SETD1B: variants seen among roughly 807,000 people sequenced by gnomAD.
The protein encoded by SETD1B is SET domain containing 1B, histone lysine methyltransferase.
Under a neutral mutation model 148.0 loss-of-function variants are expected in SETD1B, and 7 were observed. The ratio of observed to expected loss-of-function variants is 0.05; its 90% CI spans 0.03 to 0.09. SETD1B has a LOEUF of 0.09. Among genes scored for constraint, SETD1B ranks in the 10% least tolerant of loss-of-function variants. The pLI is 1.00. For missense variants in SETD1B, 2,155 were observed against 2,729.9 expected (o/e 0.79, Z 4.69); for synonymous variants, 1,361 against 1,186.5 (o/e 1.15, Z -3.02).
rs1875607197 is a variant in SETD1B at position 121,804,469 on chromosome 12, C to G, written c.-15+236C>G. 6.6e-6 allele frequency among the ~76,000 whole-genome samples: 1 copy of G among 150,612 alleles called. No individual in the cohort carries two copies. The highest frequency in any genetic ancestry group is 1.5e-5 in the Non-Finnish European group (1 of 67,470). ...CCGGGCGCCCCGGGCCCCGCCAGCC[C>G]GCCCAGGGGACCCCCGGGAGCCCCT... On this transcript the variant is annotated intron_variant, in intron 1 of 16. Transcript: ENST00000604567. This position sits in a 1 kb window ranked among gnomAD's most constrained non-coding sequence, Gnocchi z 4.6.
chr12:121,795,981 C>A, the SETD1B span: 1 of 152,412 alleles, frequency 6.6e-6, no homozygotes, highest in African/African-American at 2.4e-5. Context: ...CCCACCCACC[C>A]CTGCTGGCCA....
intron 16 of SETD1B, 73 bp from the exon 17 acceptor site, chr12:121,829,993 G>A (rs1877016479): frequency 2.8e-6 from 4 of 1,430,328 alleles, no homozygotes; most frequent in African/African-American, 2.8e-5. Context: ...GGCCTGGTTG[G>A]GTTTGGGGGG....
rs901949076 is a variant in SETD1B, at chr12:121,817,408, C to A, written c.3016C>A (p.Pro1006Thr). Residue 1006 changes from proline (P) to threonine (T), a missense_variant, in exon 9 of 17, where the codon CCC becomes ACC. Pro to Thr is a conservative substitution (Grantham distance 38). This residue lies in a region of SETD1B where 289 missense variants were observed against 423.7 expected (regional missense o/e 0.68). Coordinates refer to ENST00000604567, the MANE Select transcript of SETD1B (RefSeq NM_001353345.2). This position sits in a 1 kb window ranked among gnomAD's most constrained non-coding sequence, Gnocchi z 8.1. ...RERDRDMADT[P>T]CELAKRDPKG... The stretch of plus-strand genomic sequence containing the variant: ...GCGAGACCGGGATATGGCAGACACC[C>A]CCTGTGAGCTCGCCAAGCGGGACCC... 6.5e-7 allele frequency: 1 copy of A among 1,534,428 alleles called. No individual in the cohort carries two copies. Among genetic ancestry groups the A allele is most frequent in the South Asian group, 1.2e-5 (1 of 82,180 alleles).
chr12:121,818,855 A>G (rs947093128), intron 10 of SETD1B, among the ~76,000 whole-genome samples: 7 of 147,292 alleles, frequency 4.8e-5, no homozygotes, highest in East Asian at 4.0e-4. Flanking sequence ...GCCCCACTGC[A>G]CTCCACCCTG....
At position 121,805,897 on chromosome 12, in the gene SETD1B, T is replaced by C. The variant is rs1177894147; in HGVS notation, c.336T>C (p.Asp112=). The C allele has an allele frequency of 1.3e-6, 2 of 1,551,402 alleles. No homozygotes were observed. Among genetic ancestry groups the C allele is most frequent in the Non-Finnish European group, 1.7e-6 (2 of 1,146,948 alleles). Residue 112 remains aspartate (D), a synonymous_variant, in exon 4 of 17, where the codon GAT becomes GAC. Coordinates refer to ENST00000604567, the MANE Select transcript of SETD1B (RefSeq NM_001353345.2). The surrounding 1 kb of genome is among the most constrained non-coding windows in gnomAD (Gnocchi z 4.2). ...PKQVTFAKLN[D]NIRENFLRDM... Reference sequence around the variant, plus strand: ...AGGTGACATTTGCCAAGCTGAATGATAACATCCGTGAAAACTTCCTGAGGG... The same window carrying C: ...AGGTGACATTTGCCAAGCTGAATGACAACATCCGTGAAAACTTCCTGAGGG...
chr12:121,793,777 TCA>T, the SETD1B span: 8 of 663,248 alleles, frequency 1.2e-5, no homozygotes, highest in African/African-American at 1.9e-5. Context: ...CCTCCCAGCC[TCA>T]GTTTCCTTTC....
Position 121,823,378 on chromosome 12 carries a change from A to C in SETD1B, c.4799A>C (p.Glu1600Ala). 8.9e-7 allele frequency: 1 copy of C among 1,123,336 alleles called. No homozygotes were observed. Among genetic ancestry groups the C allele is most frequent in the Non-Finnish European group, 1.1e-6 (1 of 895,572 alleles). 69.6% of individuals were successfully genotyped at this position (1,123,336 alleles called of 1,614,324 possible). A position where few individuals can be genotyped will look rare whatever the true frequency, so the allele number is the denominator to read the frequency against. ...CCACCCCCACCTCCCCCACCTGTAG[A>C]GCCCACCAAGCTGCCCTTTAAGGAG... The part of the protein sequence containing the change: ...PPPPPPPPPV[E>A]PTKLPFKELD... Residue 1600 changes from glutamate to alanine, a missense_variant, in exon 12 of 17, where the codon GAG becomes GCG. Around this residue, in one of 11 missense-constraint regions of SETD1B, gnomAD observed 862 missense variants for 873.8 expected, o/e 0.99. Coordinates refer to ENST00000604567, the MANE Select transcript of SETD1B (RefSeq NM_001353345.2).
the SETD1B span, chr12:121,797,898 G>A: frequency 1.7e-4 from 56 of 327,156 alleles, no homozygotes; most frequent in African/African-American, 1.2e-3. Context: ...TGCTGTACTT[G>A]GGCAGCGGGG....
At position 121,805,063 on chromosome 12, in the gene SETD1B, C is replaced by T. The variant is rs73413749; in HGVS notation, c.175-55C>T. 549 of 1,521,984 alleles carry T rather than the reference C, an allele frequency of 3.6e-4. 5 individuals carry two copies. The African/African-American group carries it at 6.4e-3, about 18-fold the overall frequency. 94.3% of individuals were successfully genotyped at this position (1,521,984 alleles called of 1,614,324 possible). On this transcript the variant is annotated intron_variant, in intron 2 of 16. Coordinates refer to ENST00000604567, the MANE Select transcript of SETD1B (RefSeq NM_001353345.2). This position sits in a 1 kb window ranked among gnomAD's most constrained non-coding sequence, Gnocchi z 4.2. ...ACAAGTGCCTCGAGAAAGGGGTCTGCCCATGGGGAGGGGGACCAGTTCTCT... is the reference window on the plus strand; with the variant it reads ...ACAAGTGCCTCGAGAAAGGGGTCTGTCCATGGGGAGGGGGACCAGTTCTCT...
In SETD1B at chr12:121,804,422, C is replaced by T. The variant is rs1345413153; in HGVS notation, c.-15+189C>T. Among the ~76,000 whole-genome samples, 1 of 148,648 alleles carries T rather than the reference C, an allele frequency of 6.7e-6. No individual in the cohort carries two copies. The highest frequency in any genetic ancestry group is 1.5e-5 in the Non-Finnish European group (1 of 66,856). On this transcript the variant is annotated intron_variant, in intron 1 of 16. Transcript: ENST00000604567. This position sits in a 1 kb window ranked among gnomAD's most constrained non-coding sequence, Gnocchi z 4.6. The stretch of plus-strand genomic sequence containing the variant: ...CCACGCCGGGCGGCCGGGCGGGCAC[C>T]ATGGGCCGGAGTCCGCGTCCTCCGG...
At chr12:121,806,899 A>T (rs1489782532) in intron 4 of SETD1B, among the ~76,000 whole-genome samples, 2 of 152,154 alleles carry the variant, frequency 1.3e-5, no homozygotes, top group Non-Finnish European at 2.9e-5. Flanking sequence ...AGTGTGCCTG[A>T]GGCCTCTTTA....
In SETD1B at chr12:121,823,443, C is replaced by T; in HGVS notation, c.4864C>T (p.Pro1622Ser). Residue 1622 changes from proline (P) to serine (S), a missense_variant, in exon 12 of 17, where the codon CCC becomes TCC. Coordinates refer to ENST00000604567, the MANE Select transcript of SETD1B (RefSeq NM_001353345.2). ...GCCCTCCGAGGCCATTCCTCCGGGC[C>T]CCCGTGGGCGCGATGAGGTCACTGA... ...QWPSEAIPPG[P>S]RGRDEVTEEY... The T allele has an allele frequency of 6.5e-7, 1 of 1,549,606 alleles. No homozygotes were observed. Among genetic ancestry groups the T allele is most frequent in the African/African-American group, 1.4e-5 (1 of 72,992 alleles).
Position 121,804,659 on chromosome 12 carries a change from C to CGTGT in SETD1B, c.-14-60_-14-57dup. 2 of 1,402,194 alleles carry CGTGT rather than the reference C, an allele frequency of 1.4e-6. No individual in the cohort carries two copies. Among genetic ancestry groups the CGTGT allele is most frequent in the African/African-American group, 1.5e-5 (1 of 68,668 alleles). 86.9% of individuals were successfully genotyped at this position (1,402,194 alleles called of 1,614,324 possible). A position where few individuals can be genotyped will look rare whatever the true frequency, so the allele number is the denominator to read the frequency against. The stretch of plus-strand genomic sequence containing the variant: ...GGGGCCTGCCGATTGGATTCTTTCG[C>CGTGT]GTGTGTGTAGAAGCGGCCGCCGCCG... On this transcript the variant is annotated intron_variant, in intron 1 of 16. Coordinates refer to ENST00000604567, the MANE Select transcript of SETD1B (RefSeq NM_001353345.2). The surrounding 1 kb of genome is among the most constrained non-coding windows in gnomAD (Gnocchi z 4.6).
rs1281838290 is a variant in SETD1B, at chr12:121,831,997, C to G, written c.*1758C>G. 6.6e-6 allele frequency: 1 copy of G among 152,078 alleles called. No individual in the cohort carries two copies. Among genetic ancestry groups the G allele is most frequent in the Non-Finnish European group, 1.5e-5 (1 of 68,024 alleles). The allele number at this position is 152,078 out of a possible 1,614,324, so 9.4% of individuals were successfully genotyped here. A position where few individuals can be genotyped will look rare whatever the true frequency, so the allele number is the denominator to read the frequency against. The stretch of plus-strand genomic sequence containing the variant: ...GTGGCAACAAGACACAGATGGGGTA[C>G]CTGGGCACAGCGGCGAACTTCTCTT... On this transcript the variant is annotated 3_prime_UTR_variant, in exon 17 of 17. Transcript: ENST00000604567.
Position 121,804,452 on chromosome 12 carries a change from C to A in SETD1B, c.-15+219C>A, listed in dbSNP as rs1258626687. Among the ~76,000 whole-genome samples, 3 of 149,996 alleles carry A rather than the reference C, an allele frequency of 2.0e-5. No homozygotes were observed. Among genetic ancestry groups the A allele is most frequent in the African/African-American group, 7.3e-5 (3 of 41,084 alleles). On this transcript the variant is annotated intron_variant, in intron 1 of 16. Coordinates refer to ENST00000604567, the MANE Select transcript of SETD1B (RefSeq NM_001353345.2). This position sits in a 1 kb window ranked among gnomAD's most constrained non-coding sequence, Gnocchi z 4.6. Reference sequence around the variant, plus strand: ...GCCGGAGTCCGCGTCCTCCGGGCGCCCCGGGCCCCGCCAGCCCGCCCAGGG... The same window carrying A: ...GCCGGAGTCCGCGTCCTCCGGGCGCACCGGGCCCCGCCAGCCCGCCCAGGG...
upstream of SETD1B, chr12:121,803,119 C>T (rs1460919453): frequency 6.6e-6 from 1 of 151,968 alleles, no homozygotes; most frequent in East Asian, 1.9e-4. The surrounding 1 kb of genome is among the most constrained non-coding windows in gnomAD (Gnocchi z 4.7). Context: ...GGCGAGGCGG[C>T]TCCTGCGCCT....
rs1460125041 is a variant in SETD1B, at chr12:121,823,067, G to A, written c.4488G>A (p.Ala1496=). 6.6e-6 allele frequency: 10 copies of A among 1,508,940 alleles called. No homozygotes were observed. The Admixed American group carries it at 8.1e-5, about 12-fold the overall frequency. The allele number at this position is 1,508,940 out of a possible 1,614,324, so 93.5% of individuals were successfully genotyped here. A position where few individuals can be genotyped will look rare whatever the true frequency, so the allele number is the denominator to read the frequency against. The change falls in exon 12 of 17, where the codon GCG becomes GCA. Residue 1496 remains alanine (A), a synonymous_variant. Transcript: ENST00000604567. ...CCGTCTTGCGGGCCCAGGCTCGTGC[G>A]CCCACCCCGCTGCCACCCCTGCTGC... ...LPAVLRAQAR[A]PTPLPPLLPA...
rs981870163 is a variant in SETD1B, at chr12:121,830,308, C to T, written c.*69C>T. 18 of 1,455,206 alleles carry T rather than the reference C, an allele frequency of 1.2e-5. No homozygotes were observed. The highest frequency in any genetic ancestry group is 2.6e-5 in the South Asian group (2 of 77,198). The allele number at this position is 1,455,206 out of a possible 1,614,324, so 90.1% of individuals were successfully genotyped here. A position where few individuals can be genotyped will look rare whatever the true frequency, so the allele number is the denominator to read the frequency against. ...CTCCCGAGCGTGGAGCCCCTGGCCC[C>T]GGGGCCCGGCCCCCCGCGCCCGCCC... On this transcript the variant is annotated 3_prime_UTR_variant, in exon 17 of 17. Coordinates refer to ENST00000604567, the MANE Select transcript of SETD1B (RefSeq NM_001353345.2). This position sits in a 1 kb window ranked among gnomAD's most constrained non-coding sequence, Gnocchi z 5.7.
intron 7 of SETD1B, among the ~76,000 whole-genome samples, chr12:121,816,307 C>A (rs1277242615): frequency 7.1e-6 from 1 of 141,590 alleles, no homozygotes; most frequent in Non-Finnish European, 1.5e-5. Flanking sequence ...GTTTGAGTGT[C>A]CCCTGGAGCC....
Sources: gnomAD v4.1 joint callset for allele counts (sites outside exome capture counted in the v4.1 genomes callset) on GRCh38, gnomAD v4.1.1 for gene constraint, gnomAD v4.1.1 regional missense constraint, Gnocchi (gnomAD v3.1) non-coding constraint, MANE v1.5 for transcripts, NCBI Gene and HGNC (gene_info 2026-07-23, HGNC 2026-07-21) for gene names.